Variants in CACNA1G observed in about 807,000 individuals in gnomAD.
The protein encoded by CACNA1G is voltage-dependent T-type calcium channel subunit alpha-1G.
Under a neutral mutation model 219.4 loss-of-function variants are expected in CACNA1G, and 67 were observed. That is an observed-to-expected ratio of 0.31 (90% CI 0.25 to 0.37). The LOEUF (loss-of-function observed/expected upper bound fraction) is 0.37. Ranked by LOEUF, CACNA1G falls within the 10% of genes least tolerant of loss-of-function variation. The probability of loss-of-function intolerance (pLI) is 1.00; values close to 1 mark genes in which losing one functional copy is unlikely to be tolerated. For missense variants in CACNA1G, 2,380 were observed against 3,231.4 expected (o/e 0.74, Z 6.39); for synonymous variants, 1,296 against 1,345.3 (o/e 0.96, Z 0.80).
intron 26 of CACNA1G, among the ~76,000 whole-genome samples, chr17:50,613,322 G>A (rs553188238): frequency 6.6e-6 from 1 of 152,198 alleles, no homozygotes; most frequent in East Asian, 1.9e-4. Flanking sequence ...AGCACCTGCC[G>A]TCTGGGGTAG....
rs1198918581 is a variant in CACNA1G, at chr17:50,621,477, C to T, written c.5926-183C>T. Among the ~76,000 whole-genome samples the T allele has an allele frequency of 2.0e-5, 3 of 151,888 alleles. No individual in the cohort carries two copies. The highest frequency in any genetic ancestry group is 1.9e-4 in the East Asian group (1 of 5,168). Reference sequence around the variant, plus strand: ...TCAGAGCAGGGGGTTGAAGTGGGTGCGGGGAGGCACTGTCAGCTTGTTTGG... The same window carrying T: ...TCAGAGCAGGGGGTTGAAGTGGGTGTGGGGAGGCACTGTCAGCTTGTTTGG... On this transcript the variant is annotated intron_variant, in intron 34 of 37. Transcript: ENST00000359106. The surrounding 1 kb of genome is among the most constrained non-coding windows in gnomAD (Gnocchi z 4.6).
chr17:50,566,508 G>A (rs781512257), intron 1 of CACNA1G, among the ~76,000 whole-genome samples: 1 of 152,172 alleles, frequency 6.6e-6, no homozygotes, highest in African/African-American at 2.4e-5. Context: ...GAGGTTATTC[G>A]GGGGCAGGCT....
chr17:50,626,272 A>T lies in CACNA1G; in HGVS notation c.6655A>T (p.Thr2219Ser). Residue 2219 changes from threonine to serine, a missense_variant, in exon 38 of 38, where the codon ACG (threonine) becomes TCG (serine). This residue lies in a region of CACNA1G where 672 missense variants were observed against 670.5 expected (regional missense o/e 1.00). Coordinates refer to ENST00000359106, the MANE Select transcript of CACNA1G (RefSeq NM_018896.5). The surrounding 1 kb of genome is among the most constrained non-coding windows in gnomAD (Gnocchi z 4.3). ...PETRSSLELDTELSWISGDLL... is the reference protein window; with the variant it reads ...PETRSSLELDSELSWISGDLL... ...GACCAGAAGCAGCTTAGAGTTGGAC[A>T]CGGAGCTGAGCTGGATTTCAGGAGA... The T allele has an allele frequency of 6.2e-7, 1 of 1,613,554 alleles. No individual in the cohort carries two copies. Among genetic ancestry groups the T allele is most frequent in the Non-Finnish European group, 8.5e-7 (1 of 1,179,792 alleles).
intron 9 of CACNA1G, among the ~76,000 whole-genome samples, chr17:50,584,297 A>G (rs1454715497): frequency 6.6e-6 from 1 of 151,870 alleles, no homozygotes; most frequent in Non-Finnish European, 1.5e-5. Flanking sequence ...GCGGGCTTAG[A>G]CTGAACTCTG....
intron 25 of CACNA1G, among the ~76,000 whole-genome samples, chr17:50,608,870 G>A (rs889729014): frequency 2.0e-5 from 3 of 152,134 alleles, no homozygotes; most frequent in African/African-American, 4.8e-5. Flanking sequence ...GGGCTCCAGG[G>A]CTCCCATCTG....
At chr17:50,590,078 G>A (rs571029927) in intron 9 of CACNA1G, among the ~76,000 whole-genome samples, 6 of 152,238 alleles carry the variant, frequency 3.9e-5, no homozygotes, top group African/African-American at 1.2e-4. Context: ...CTTGGCGATC[G>A]CCCTCTGACA....
Position 50,576,259 on chromosome 17 carries a change from C to T in CACNA1G, c.1857C>T (p.Leu619=), listed in dbSNP as rs964013516. The T allele has an allele frequency of 6.3e-7, 1 of 1,592,892 alleles. No homozygotes were observed. Among genetic ancestry groups the T allele is most frequent in the Non-Finnish European group, 8.5e-7 (1 of 1,170,544 alleles). ...CTGCCAGCTCTGGGCCCCCAACCCT[C>T]ACCAGCCTCAACATCCCACCCGGGC... is the stretch of plus-strand genomic sequence containing the variant. ...EVAASSGPPT[L]TSLNIPPGPY... Residue 619 remains leucine, a synonymous_variant, in exon 8 of 38, where the codon CTC becomes CTT. Transcript: ENST00000359106.
rs1357975191 is a variant in CACNA1G at position 50,578,061 on chromosome 17, C to T, written c.1925-127C>T. ...CCTGACATTCAGCACCCCTGGCCCA[C>T]TAAGTGCCTAGCACCCCATCACTGT... On this transcript the variant is annotated intron_variant, in intron 8 of 37. Transcript: ENST00000359106. This position sits in a 1 kb window ranked among gnomAD's most constrained non-coding sequence, Gnocchi z 4.5. 1 of 1,159,362 alleles carries T rather than the reference C, an allele frequency of 8.6e-7. No homozygotes were observed. The highest frequency in any genetic ancestry group is 1.6e-5 in the African/African-American group (1 of 64,500). The allele number at this position is 1,159,362 out of a possible 1,614,324, so 71.8% of individuals were successfully genotyped here.
In CACNA1G at chr17:50,622,678, G is replaced by A. The variant is rs187493000; in HGVS notation, c.6060+884G>A. On this transcript the variant is annotated intron_variant, in intron 35 of 37. Transcript: ENST00000359106. ...GAACAAGGGGTGAAGGGTTCAGGGG[G>A]AAGGGGGTCACAGAGTGATGGAGAA... is the stretch of plus-strand genomic sequence containing the variant. Among the ~76,000 whole-genome samples the A allele has an allele frequency of 5.5e-4, 84 of 152,316 alleles. 1 individual carries two copies. Among genetic ancestry groups the A allele is most frequent in the African/African-American group, 2.0e-3 (83 of 41,564 alleles).
At chr17:50,589,866 A>G (rs1276956370) in intron 9 of CACNA1G, among the ~76,000 whole-genome samples, 1 of 143,082 alleles carries the variant, frequency 7.0e-6, no homozygotes, top group East Asian at 2.1e-4. Context: ...GCCTATCACC[A>G]TGTGTGTGAC....
chr17:50,605,268 A>G (rs1339569703), intron 22 of CACNA1G, among the ~76,000 whole-genome samples: 5 of 152,102 alleles, frequency 3.3e-5, no homozygotes, highest in African/African-American at 4.8e-5. Context: ...CCTGGTTTAT[A>G]ATGGAATGAG....
At chr17:50,619,407 C>T (rs1462431192) in intron 33 of CACNA1G, among the ~76,000 whole-genome samples, 1 of 152,068 alleles carries the variant, frequency 6.6e-6, no homozygotes, top group African/African-American at 2.4e-5. Context: ...CTTCTCTTTA[C>T]CGCTCTCTCT....
Position 50,576,004 on chromosome 17 carries a change from G to A in CACNA1G, c.1602G>A (p.Leu534=), listed in dbSNP as rs1289730682. Residue 534 remains leucine (L), a synonymous_variant, in exon 8 of 38, where the codon CTG becomes CTA. Transcript: ENST00000359106. ...CCAATGGGTCCCGCCGGCTCATGCT[G>A]CCACCACCCTCGACGCCTGCCCTCT... ...RDANGSRRLM[L]PPPSTPALSG... 1.3e-6 allele frequency: 2 copies of A among 1,557,292 alleles called. No individual in the cohort carries two copies. Among genetic ancestry groups the A allele is most frequent in the Non-Finnish European group, 1.7e-6 (2 of 1,151,094 alleles).
At chr17:50,593,948 G>C (rs2044932009) in intron 13 of CACNA1G, among the ~76,000 whole-genome samples, 1 of 152,220 alleles carries the variant, frequency 6.6e-6, no homozygotes, top group African/African-American at 2.4e-5. Context: ...CCCTCTCCTG[G>C]GTAAGGTTTC....
At chr17:50,594,956 AC>A in intron 13 of CACNA1G, 36 bp from the exon 14 acceptor site, 1 of 1,529,202 alleles carries the variant, frequency 6.5e-7, no homozygotes, top group Non-Finnish European at 8.9e-7. Context: ...AGCGCCTGTG[AC>A]CAGCAGCCCT....
At chr17:50,593,343 C>A (rs1394317739) in intron 13 of CACNA1G, among the ~76,000 whole-genome samples, 4 of 152,224 alleles carry the variant, frequency 2.6e-5, no homozygotes, top group Non-Finnish European at 2.9e-5. Flanking sequence ...GCAGCTCCTG[C>A]CAGCCACGGT....
rs1237486204 is a variant in CACNA1G, at chr17:50,599,556, GTC to G, written c.3388_3389del (p.Ser1130ProfsTer12). 6.2e-7 allele frequency: 1 copy of G among 1,612,874 alleles called. No individual in the cohort carries two copies. The highest frequency in any genetic ancestry group is 1.7e-5 in the Admixed American group (1 of 59,938). On this transcript the variant is annotated frameshift_variant, in exon 17 of 38. Coordinates refer to ENST00000359106, the MANE Select transcript of CACNA1G (RefSeq NM_018896.5). LOFTEE classifies it high-confidence loss of function. ...GGAGAAGCCCAAGTGGAGAGCGGCG[GTC>G]CCTGTTGTCGGGAGAAGGCCAGGAG... ...KRRSPSGERR[S>X]LLSGEGQESQ...
At position 50,595,072 on chromosome 17, in the gene CACNA1G, G is replaced by A. The variant is rs1346484218; in HGVS notation, c.2979+11G>A. 9.0e-6 allele frequency: 14 copies of A among 1,550,020 alleles called. No homozygotes were observed. The highest frequency in any genetic ancestry group is 4.1e-5 in the African/African-American group (3 of 73,018). ...GTCGACTCCCAGGGGGTAGGTACGC[G>A]ATCATGAGCCGGCATGCCTCCCGTG... On this transcript the variant is annotated intron_variant, in intron 14 of 37. Transcript: ENST00000359106.
In CACNA1G at chr17:50,569,700, C is replaced by T; in HGVS notation, c.489-6C>T. On this transcript the variant is annotated splice_region_variant and splice_polypyrimidine_tract_variant and intron_variant, in intron 3 of 37. Coordinates refer to ENST00000359106, the MANE Select transcript of CACNA1G (RefSeq NM_018896.5). The stretch of plus-strand genomic sequence containing the variant: ...AAAGGGCCTCCCTTTGGGCCCCTCC[C>T]TGCAGGATGCTGGAGTACTCGCTGG... The T allele has an allele frequency of 6.5e-7, 1 of 1,548,598 alleles. No homozygotes were observed. Among genetic ancestry groups the T allele is most frequent in the Non-Finnish European group, 8.7e-7 (1 of 1,145,698 alleles).
Sources: gnomAD v4.1 joint callset for allele counts (sites outside exome capture counted in the v4.1 genomes callset) on GRCh38, gnomAD v4.1.1 for gene constraint, gnomAD v4.1.1 regional missense constraint, Gnocchi (gnomAD v3.1) non-coding constraint, MANE v1.5 for transcripts, NCBI Gene and HGNC (gene_info 2026-07-23, HGNC 2026-07-21) for gene names.